Variants in TRPC3 observed in about 807,000 individuals in gnomAD.
TRPC3 encodes transient receptor potential cation channel subfamily C member 3, also known as short transient receptor potential channel 3.
TRPC3 carries 54 observed loss-of-function variants against 90.9 expected under a neutral mutation model. The observed-to-expected ratio is 0.59, with a 90% CI of 0.48 to 0.75. The LOEUF (loss-of-function observed/expected upper bound fraction) is 0.75, where lower values mean the gene tolerates loss of function less well. Ranked by LOEUF, TRPC3 falls within the 30% of genes least tolerant of loss-of-function variation. The pLI is 0.00. For missense variants in TRPC3, 918 were observed against 1,194.5 expected (o/e 0.77, Z 3.41); for synonymous variants, 424 against 450.9 (o/e 0.94, Z 0.75).
At chr4:121,898,629 G>T (rs1728598289) in intron 10 of TRPC3, among the ~76,000 whole-genome samples, 1 of 152,050 alleles carries the variant, frequency 6.6e-6, no homozygotes. Flanking sequence ...AGTTAACAAT[G>T]ATATATTAAT....
intron 6 of TRPC3, among the ~76,000 whole-genome samples, chr4:121,909,012 C>T (rs2149123586): frequency 6.6e-6 from 1 of 152,166 alleles, no homozygotes; most frequent in African/African-American, 2.4e-5. Context: ...CAAAACAATA[C>T]ATATAGGAGA....
intron 10 of TRPC3, among the ~76,000 whole-genome samples, chr4:121,897,582 A>G (rs776555275): frequency 6.6e-6 from 1 of 151,912 alleles, no homozygotes; most frequent in Non-Finnish European, 1.5e-5. Flanking sequence ...AATGCTCGAC[A>G]TCACTAACCA....
intron 10 of TRPC3, among the ~76,000 whole-genome samples, chr4:121,894,191 G>C (rs1728430924): frequency 6.6e-6 from 1 of 151,926 alleles, no homozygotes; most frequent in Admixed American, 6.6e-5. Flanking sequence ...GATTAAATAA[G>C]TATAACCATA....
chr4:121,911,963 G>C lies in TRPC3; in HGVS notation c.1472C>G (p.Thr491Arg). Residue 491 changes from threonine (T) to arginine (R), a missense_variant, in exon 5 of 12, where the codon ACA (threonine) becomes AGA (arginine). By Grantham distance (71) the Thr-to-Arg change is moderately conservative. Around this residue, in one of 4 missense-constraint regions of TRPC3, gnomAD observed 609 missense variants for 725.9 expected, o/e 0.84. Coordinates refer to ENST00000379645, the MANE Select transcript of TRPC3 (RefSeq NM_001130698.2). ...FEGITTLPNITVTDYPKQIFR... is the reference protein window; with the variant it reads ...FEGITTLPNIRVTDYPKQIFR... ...GATCTGTTTGGGATAGTCAGTAACT[G>C]TGATATTGGGCAGCGTGGTGATGCC... The C allele has an allele frequency of 6.2e-7, 1 of 1,613,948 alleles. No homozygotes were observed. Among genetic ancestry groups the C allele is most frequent in the Non-Finnish European group, 8.5e-7 (1 of 1,179,876 alleles).
chr4:121,897,318 G>C (rs746687893), intron 10 of TRPC3, among the ~76,000 whole-genome samples: 17 of 151,572 alleles, frequency 1.1e-4, no homozygotes, highest in Non-Finnish European at 2.4e-4. Flanking sequence ...AAGGCTTCTT[G>C]GTTTGGTTCA....
chr4:121,883,867 C>T (rs886248725), intron 10 of TRPC3, among the ~76,000 whole-genome samples: 6 of 152,100 alleles, frequency 3.9e-5, no homozygotes, highest in African/African-American at 1.4e-4. Flanking sequence ...CCACTGCATC[C>T]AGGTGGTATT....
chr4:121,879,889 G>T lies in TRPC3; in HGVS notation c.2624-11C>A, dbSNP rs756927057. 1.3e-6 allele frequency: 2 copies of T among 1,520,478 alleles called. No individual in the cohort carries two copies. Among genetic ancestry groups the T allele is most frequent in the African/African-American group, 2.9e-5 (2 of 69,248 alleles). The allele number at this position is 1,520,478 out of a possible 1,614,324, so 94.2% of individuals were successfully genotyped here. A position where few individuals can be genotyped will look rare whatever the true frequency, so the allele number is the denominator to read the frequency against. ...TTTCTTTTAATTCACCTATAGTATT[G>T]ATATTAAAAAATTATTGGTAAGTTG... On this transcript the variant is annotated splice_polypyrimidine_tract_variant and intron_variant, in intron 11 of 11. Coordinates refer to ENST00000379645, the MANE Select transcript of TRPC3 (RefSeq NM_001130698.2).
chr4:121,898,590 A>T (rs1230154319), intron 10 of TRPC3, among the ~76,000 whole-genome samples: 2 of 152,336 alleles, frequency 1.3e-5, no homozygotes, highest in East Asian at 3.9e-4. Flanking sequence ...GTTGGGGACC[A>T]CTGTTCTATA....
rs1226622048 is a variant in TRPC3 at position 121,912,096 on chromosome 4, G to T, written c.1342-3C>A. On this transcript the variant is annotated splice_polypyrimidine_tract_variant and splice_region_variant and intron_variant, in intron 4 of 11. Transcript: ENST00000379645. ...GGGCTTCGCAGAATTTTCCCCAGCT[G>T]TAACAAACCAAAGAGGAAAAGTTTG... The T allele has an allele frequency of 6.2e-7, 1 of 1,612,274 alleles. No individual in the cohort carries two copies. Among genetic ancestry groups the T allele is most frequent in the Middle Eastern group, 1.7e-4 (1 of 6,054 alleles).
At chr4:121,924,012 C>T (rs990767102) in intron 3 of TRPC3, among the ~76,000 whole-genome samples, 10 of 152,152 alleles carry the variant, frequency 6.6e-5, no homozygotes, top group African/African-American at 2.4e-4. Flanking sequence ...TTAAAAGCCC[C>T]ATACAAGTTA....
intron 10 of TRPC3, among the ~76,000 whole-genome samples, chr4:121,885,701 A>G (rs1269187846): frequency 2.0e-5 from 3 of 152,222 alleles, no homozygotes; most frequent in Admixed American, 2.0e-4. Context: ...TAAAAGTACC[A>G]TTTTAAATAC....
chr4:121,882,336 T>A lies in TRPC3; in HGVS notation c.2623+18A>T, dbSNP rs200419677. ...AAGTTAGCTATAAAAGGATATTTTT[T>A]AAGTTGGAGATGCTTACCTTCATTA... On this transcript the variant is annotated intron_variant, in intron 11 of 11. Transcript: ENST00000379645. 6.3e-7 allele frequency: 1 copy of A among 1,595,432 alleles called. No homozygotes were observed. Among genetic ancestry groups the A allele is most frequent in the Non-Finnish European group, 8.5e-7 (1 of 1,172,872 alleles).
At position 121,951,235 on chromosome 4, in the gene TRPC3, C is replaced by T. The variant is rs1464848546; in HGVS notation, c.215+231G>A. On this transcript the variant is annotated intron_variant, in intron 1 of 11. Coordinates refer to ENST00000379645, the MANE Select transcript of TRPC3 (RefSeq NM_001130698.2). The surrounding 1 kb of genome is among the most constrained non-coding windows in gnomAD (Gnocchi z 4.4). ...TCCGTGTGCTTGAGCCTGGACAGAG[C>T]CCCTGCCACGCACTCGGCAGCCCCT... 2.6e-5 allele frequency among the ~76,000 whole-genome samples: 4 copies of T among 152,230 alleles called. No individual in the cohort carries two copies. Among genetic ancestry groups the T allele is most frequent in the Middle Eastern group, 3.4e-3 (1 of 290 alleles).
At chr4:121,944,916 G>A (rs1730435763) in intron 1 of TRPC3, among the ~76,000 whole-genome samples, 1 of 152,256 alleles carries the variant, frequency 6.6e-6, no homozygotes, top group Non-Finnish European at 1.5e-5. Flanking sequence ...GAACAGCACA[G>A]TCCCAGAAAG....
intron 1 of TRPC3, among the ~76,000 whole-genome samples, chr4:121,946,798 A>T (rs1298856129): frequency 6.6e-6 from 1 of 152,232 alleles, no homozygotes; most frequent in African/African-American, 2.4e-5. Context: ...TTACATAAAA[A>T]TAACTTAAAC....
intron 2 of TRPC3, chr4:121,930,835 A>G: frequency 2.6e-6 from 1 of 385,078 alleles, no homozygotes. Context: ...AGATCTAAAA[A>G]AAAAAAAAAA....
rs890548612 is a variant in TRPC3, at chr4:121,914,885, T to C, written c.1236A>G (p.Ser412=). ...TAGCTATGGTCTGCTCCCTTAGGCC[T>C]GAGAGGTTCTCATACCAGATCGTCA... ...QLLTIWYENL[S]GLREQTIAIK... is the part of the protein sequence containing the mutation. Residue 412 remains serine (S), a synonymous_variant, in exon 4 of 12, where the codon TCA becomes TCG. Transcript: ENST00000379645. 1.9e-6 allele frequency: 3 copies of C among 1,613,272 alleles called. No individual in the cohort carries two copies. The highest frequency in any genetic ancestry group is 2.7e-5 in the African/African-American group (2 of 74,904).
At chr4:121,934,539 T>C (rs1380213133) in intron 1 of TRPC3, among the ~76,000 whole-genome samples, 1 of 152,184 alleles carries the variant, frequency 6.6e-6, no homozygotes, top group Non-Finnish European at 1.5e-5. Context: ...AAGTCAAAGT[T>C]AAAAGTGAAC....
chr4:121,893,121 A>AG (rs983838193), intron 10 of TRPC3, among the ~76,000 whole-genome samples: 70 of 39,980 alleles, frequency 1.8e-3, no homozygotes, highest in Non-Finnish European at 2.2e-3. Context: ...ACTCTGTCAC[A>AG]AAAAAAAAAA....
Sources: allele counts gnomAD v4.1 joint callset (sites outside exome capture counted in the v4.1 genomes callset), GRCh38; gene constraint gnomAD v4.1.1; regional missense constraint gnomAD v4.1.1; non-coding constraint Gnocchi (gnomAD v3.1); transcripts MANE v1.5; gene names NCBI Gene and HGNC (gene_info 2026-07-23, HGNC 2026-07-21).